The following OR52N4 variants were observed in gnomAD, a reference collection of about 807,000 sequenced individuals.
The protein encoded by OR52N4 is olfactory receptor 52N4.
OR52N4 carries 15 observed loss-of-function variants against 15.0 expected under a neutral mutation model. The observed-to-expected ratio is 1.00, with a 90% CI of 0.67 to 1.54. OR52N4 has a LOEUF of 1.54. Among genes scored for constraint, OR52N4 ranks in the 40% most tolerant of loss-of-function variants. The pLI, the probability that OR52N4 is intolerant of heterozygous loss-of-function variation, is 0.00. For missense variants in OR52N4, 421 were observed against 394.0 expected, an observed-to-expected ratio of 1.07 and a Z score of -0.58; for synonymous variants, 143 against 143.7, an observed-to-expected ratio of 1.00 and a Z score of 0.03.
the OR52N4 span, among the ~76,000 whole-genome samples, chr11:5,728,725 T>C: frequency 6.6e-6 from 1 of 152,156 alleles, no homozygotes; most frequent in Non-Finnish European, 1.5e-5. Context: ...AATATAAGTG[T>C]TTTATTGGGA....
At chr11:5,734,781 T>C in the OR52N4 span, among the ~76,000 whole-genome samples, 1 of 152,136 alleles carries the variant, frequency 6.6e-6, no homozygotes, top group Non-Finnish European at 1.5e-5. Context: ...AACTATTGTG[T>C]TGAACCCCTT....
upstream of OR52N4, among the ~76,000 whole-genome samples, chr11:5,751,935 C>T (rs1854200545): frequency 6.6e-6 from 1 of 152,062 alleles, no homozygotes; most frequent in Admixed American, 6.6e-5. Flanking sequence ...GTCCAAAGGA[C>T]ATTTGAGACC....
chr11:5,738,963 T>C, the OR52N4 span, among the ~76,000 whole-genome samples: 2 of 128,744 alleles, frequency 1.6e-5, no homozygotes, highest in African/African-American at 5.6e-5. Flanking sequence ...AAGTCTGTTA[T>C]ACATTATATA....
the OR52N4 span, among the ~76,000 whole-genome samples, chr11:5,740,622 G>A: frequency 3.2e-5 from 4 of 125,072 alleles, 2 homozygotes; most frequent in Admixed American, 1.5e-4. Context: ...AGCCTGGGCA[G>A]TGAGGGAAAC....
At chr11:5,737,083 T>TA in the OR52N4 span, 1 of 1,614,094 alleles carries the variant, frequency 6.2e-7, no homozygotes, top group Non-Finnish European at 8.5e-7. Flanking sequence ...GCCTGTGCTC[T>TA]AACCTTGGGG....
At chr11:5,746,416 A>T in the OR52N4 span, among the ~76,000 whole-genome samples, 11 of 152,282 alleles carry the variant, frequency 7.2e-5, no homozygotes, top group East Asian at 1.9e-3. Context: ...AAAGGAGTAA[A>T]TCCATCATCT....
the OR52N4 span, among the ~76,000 whole-genome samples, chr11:5,734,581 T>A: frequency 6.6e-6 from 1 of 152,264 alleles, no homozygotes; most frequent in Non-Finnish European, 1.5e-5. Flanking sequence ...ATTCTTTTTC[T>A]GTGAGCTCAA....
the OR52N4 span, among the ~76,000 whole-genome samples, chr11:5,743,227 T>C: frequency 0.13 from 20,473 of 151,934 alleles, 1,602 homozygotes; most frequent in African/African-American, 0.22. Context: ...GAGCAACCAG[T>C]TTCACAAAAC....
the OR52N4 span, among the ~76,000 whole-genome samples, chr11:5,749,213 G>C: frequency 1.3e-5 from 2 of 151,928 alleles, no homozygotes; most frequent in Non-Finnish European, 2.9e-5. Context: ...ATCCAGAAAC[G>C]AAGGTACTAA....
At chr11:5,753,162 A>G (rs1392534210), upstream of OR52N4, among the ~76,000 whole-genome samples, 1 of 152,148 alleles carries the variant, frequency 6.6e-6, no homozygotes, top group East Asian at 1.9e-4. Context: ...GGAAATGGCA[A>G]TGGTGGTCAT....
chr11:5,739,333 G>T, the OR52N4 span, among the ~76,000 whole-genome samples: 1 of 126,930 alleles, frequency 7.9e-6, no homozygotes, highest in East Asian at 2.7e-4. Context: ...AGGATCACTT[G>T]AGGCCAGGAG....
chr11:5,747,259 C>G, the OR52N4 span, among the ~76,000 whole-genome samples: 1 of 151,750 alleles, frequency 6.6e-6, no homozygotes, highest in African/African-American at 2.4e-5. Flanking sequence ...GTGACCAGGA[C>G]TTCAAGGCCA....
the OR52N4 span, chr11:5,727,337 A>G: frequency 6.6e-6 from 1 of 152,598 alleles, no homozygotes; most frequent in Non-Finnish European, 1.5e-5. Context: ...CTTTTGGCCA[A>G]TGTTTATCTG....
chr11:5,745,865 A>G, the OR52N4 span, among the ~76,000 whole-genome samples: 1 of 152,186 alleles, frequency 6.6e-6, no homozygotes. Flanking sequence ...CTACAATGCT[A>G]TAGTAACCAA....
the OR52N4 span, chr11:5,737,559 T>A: frequency 2.8e-6 from 4 of 1,416,206 alleles, no homozygotes; most frequent in East Asian, 6.9e-5. Context: ...TCAAAGAGGA[T>A]AAATGAGTAA....
At chr11:5,731,156 A>G in the OR52N4 span, among the ~76,000 whole-genome samples, 1 of 152,190 alleles carries the variant, frequency 6.6e-6, no homozygotes, top group Non-Finnish European at 1.5e-5. Context: ...TCATTTTCTA[A>G]GTGAGCACTG....
At chr11:5,748,743 T>C in the OR52N4 span, among the ~76,000 whole-genome samples, 2 of 152,024 alleles carry the variant, frequency 1.3e-5, no homozygotes, top group African/African-American at 4.8e-5. Flanking sequence ...TCTCTACTTC[T>C]GTGCTTTTGA....
At chr11:5,730,203 T>G in the OR52N4 span, among the ~76,000 whole-genome samples, 1 of 149,984 alleles carries the variant, frequency 6.7e-6, no homozygotes. Flanking sequence ...TTTTTTTTTT[T>G]TTTTTTGAGA....
rs1564959355 is a variant in OR52N4, at chr11:5,755,653, T to C, written c.913T>C (p.Cys305Arg). 1 of 1,613,756 alleles carries C rather than the reference T, an allele frequency of 6.2e-7. No individual in the cohort carries two copies. Among genetic ancestry groups the C allele is most frequent in the East Asian group, 2.2e-5 (1 of 44,844 alleles). The change falls in exon 2 of 2, where the codon TGT becomes CGT. Residue 305 changes from cysteine to arginine, a missense_variant. Coordinates refer to ENST00000641350, the MANE Select transcript of OR52N4 (RefSeq NM_001005175.5). ...GGTGAAAACCAAACAGATACGAGACTGTGTCATAAGGATCCTTTCAGGTTC... is the reference window on the plus strand; with the variant it reads ...GGTGAAAACCAAACAGATACGAGACCGTGTCATAAGGATCCTTTCAGGTTC... Reference protein sequence around the residue: ...YGVKTKQIRDCVIRILSGSKD... With the variant: ...YGVKTKQIRDRVIRILSGSKD...
Sources: allele counts gnomAD v4.1 joint callset (sites outside exome capture counted in the v4.1 genomes callset), GRCh38; gene constraint gnomAD v4.1.1; transcripts MANE v1.5; gene names NCBI Gene and HGNC (gene_info 2026-07-23, HGNC 2026-07-21).